ATG10: variants seen among roughly 807,000 people sequenced by gnomAD.
The protein encoded by ATG10 is ubiquitin-like-conjugating enzyme ATG10.
Under a neutral mutation model 32.1 loss-of-function variants are expected in ATG10, and 30 were observed. That is an observed-to-expected ratio of 0.94 (90% CI 0.70 to 1.27). The LOEUF (loss-of-function observed/expected upper bound fraction) is 1.27, where lower values mean the gene tolerates loss of function less well. ATG10 is among the 50% of genes most tolerant of loss of function. The pLI is 0.00. For synonymous variants in ATG10, 87 were observed against 91.5 expected (o/e 0.95, Z 0.28); for missense variants, 233 against 262.3 (o/e 0.89, Z 0.77).
intron 5 of ATG10, among the ~76,000 whole-genome samples, chr5:82,209,275 A>T (rs1745409815): frequency 6.6e-6 from 1 of 152,004 alleles, no homozygotes; most frequent in South Asian, 2.1e-4. Flanking sequence ...TTCTACTGTT[A>T]TATATTGCTG....
rs1335430302 is a variant in ATG10 at position 82,067,033 on chromosome 5, T to G, written c.216+8431T>G. On this transcript the variant is annotated intron_variant, in intron 3 of 7. Transcript: ENST00000282185. ...GTGCATAGATGCAAATGGAAGCATG[T>G]GGAGTAGTCAGTATTTATTTATTGA... is the stretch of plus-strand genomic sequence containing the variant. Among the ~76,000 whole-genome samples the G allele has an allele frequency of 2.6e-5, 4 of 152,178 alleles. No homozygotes were observed. In the South Asian group the frequency reaches 8.3e-4, roughly 31 times the overall value.
chr5:82,222,944 G>A (rs1448288501), intron 5 of ATG10, among the ~76,000 whole-genome samples: 1 of 152,172 alleles, frequency 6.6e-6, no homozygotes, highest in African/African-American at 2.4e-5. Context: ...TTTGTATGCC[G>A]GGTACTTGGT....
At chr5:82,183,294 T>C (rs1744304353) in intron 5 of ATG10, among the ~76,000 whole-genome samples, 1 of 152,188 alleles carries the variant, frequency 6.6e-6, no homozygotes, top group Non-Finnish European at 1.5e-5. Context: ...CTTAAGACTT[T>C]TGGAATCTTA....
At chr5:82,112,285 A>G (rs140740638) in intron 3 of ATG10, among the ~76,000 whole-genome samples, 66 of 152,012 alleles carry the variant, frequency 4.3e-4, no homozygotes, top group Admixed American at 1.3e-3. Context: ...AATTTAATGA[A>G]TAACAATAAT....
intron 3 of ATG10, among the ~76,000 whole-genome samples, chr5:82,081,645 T>C (rs1356993971): frequency 3.3e-5 from 5 of 152,240 alleles, no homozygotes; most frequent in Non-Finnish European, 1.5e-5. Context: ...GTTCTGTTTA[T>C]ATGCTGGATT....
At chr5:82,058,687 C>A in intron 3 of ATG10, 85 bp downstream of exon 3, 1 of 824,672 alleles carries the variant, frequency 1.2e-6, no homozygotes, top group Non-Finnish European at 2.0e-6. Flanking sequence ...CCATCGCATT[C>A]CATCCTATGG....
intron 2 of ATG10, among the ~76,000 whole-genome samples, chr5:82,024,477 T>A (rs1281410650): frequency 1.3e-5 from 2 of 152,184 alleles, no homozygotes; most frequent in Admixed American, 6.6e-5. Context: ...GGCTTGTAAT[T>A]TGTATGTTTT....
At chr5:81,993,658 C>G (rs1210730250) in intron 2 of ATG10, among the ~76,000 whole-genome samples, 1 of 151,676 alleles carries the variant, frequency 6.6e-6, no homozygotes, top group Non-Finnish European at 1.5e-5. Context: ...AAACTCCTGA[C>G]CTCGTGATCC....
chr5:82,064,096 C>T (rs1763869005), intron 3 of ATG10, among the ~76,000 whole-genome samples: 1 of 152,188 alleles, frequency 6.6e-6, no homozygotes, highest in African/African-American at 2.4e-5. Context: ...AGTGATTTTA[C>T]AGACTAGATT....
chr5:81,987,581 A>G lies in ATG10; in HGVS notation c.11A>G (p.Asp4Gly), dbSNP rs565384587. The change falls in exon 2 of 8, where the codon GAT becomes GGT. Residue 4 changes from aspartate to glycine, a missense_variant. Transcript: ENST00000282185. MEE[D>G]EFIGEKTFQR... is the part of the protein sequence containing the mutation. ...CAGTTATCATTTAACATGGAAGAAG[A>G]TGAGTTCATTGGAGAAAAAACATTC... 1.2e-6 allele frequency: 2 copies of G among 1,607,562 alleles called. No homozygotes were observed. The highest frequency in any genetic ancestry group is 2.2e-5 in the East Asian group (1 of 44,698).
At chr5:82,251,985 A>G (rs111694752) in intron 5 of ATG10, among the ~76,000 whole-genome samples, 280 of 151,814 alleles carry the variant, frequency 1.8e-3, no homozygotes, top group Middle Eastern at 6.8e-3. Context: ...AGAGACGGAA[A>G]GAGAGAGAGA....
intron 5 of ATG10, among the ~76,000 whole-genome samples, chr5:82,209,344 G>A (rs575948877): frequency 3.3e-5 from 5 of 152,202 alleles, no homozygotes; most frequent in East Asian, 3.9e-4. Flanking sequence ...CATCCCCAAT[G>A]TAATGGTATT....
chr5:82,205,480 GTCCTAGAAAAGGT>G (rs1445464533), intron 5 of ATG10, among the ~76,000 whole-genome samples: 1 of 152,190 alleles, frequency 6.6e-6, no homozygotes, highest in East Asian at 1.9e-4. Flanking sequence ...AAAGAGCAAA[GTCCTAGAAAAGGT>G]AGGATGGTAG....
chr5:82,055,294 G>C (rs72776839), intron 2 of ATG10, among the ~76,000 whole-genome samples: 12,710 of 151,912 alleles, frequency 0.084, 787 homozygotes, highest in African/African-American at 0.18. Flanking sequence ...GCGTACTTCC[G>C]TATCGATAAT....
At chr5:82,209,143 C>T (rs1343763088) in intron 5 of ATG10, among the ~76,000 whole-genome samples, 1 of 151,656 alleles carries the variant, frequency 6.6e-6, no homozygotes, top group South Asian at 2.1e-4. Flanking sequence ...GAGTTTTCTT[C>T]TTGGAAAGAT....
At chr5:82,187,327 A>G (rs1336347091) in intron 5 of ATG10, among the ~76,000 whole-genome samples, 1 of 151,852 alleles carries the variant, frequency 6.6e-6, no homozygotes, top group African/African-American at 2.4e-5. Context: ...CCTGGCTAAC[A>G]TGGGGAAACC....
At chr5:82,019,073 A>G (rs1762368383) in intron 2 of ATG10, among the ~76,000 whole-genome samples, 1 of 152,190 alleles carries the variant, frequency 6.6e-6, no homozygotes, top group Non-Finnish European at 1.5e-5. Context: ...GTGAGTGAGT[A>G]TCTGATTTTC....
chr5:82,191,257 A>T (rs553815570), intron 5 of ATG10, among the ~76,000 whole-genome samples: 1 of 152,352 alleles, frequency 6.6e-6, no homozygotes, highest in East Asian at 1.9e-4. Flanking sequence ...CATACATTTT[A>T]GACACTGGAG....
At chr5:82,156,930 G>A (rs1025370389) in intron 3 of ATG10, among the ~76,000 whole-genome samples, 3 of 152,158 alleles carry the variant, frequency 2.0e-5, no homozygotes, top group East Asian at 1.9e-4. Flanking sequence ...TTTACTTGGC[G>A]TGTTTGCTGG....
Sources: allele counts gnomAD v4.1 joint callset (sites outside exome capture counted in the v4.1 genomes callset), GRCh38; gene constraint gnomAD v4.1.1; transcripts MANE v1.5; gene names NCBI Gene and HGNC (gene_info 2026-07-23, HGNC 2026-07-21).